Variants in NDST3 observed in about 807,000 individuals in gnomAD.
The protein encoded by NDST3 is bifunctional heparan sulfate N-deacetylase/N-sulfotransferase 3.
NDST3 carries 58 observed loss-of-function variants against 96.1 expected under a neutral mutation model. The ratio of observed to expected loss-of-function variants is 0.60; its 90% confidence interval spans 0.49 to 0.75. The LOEUF (loss-of-function observed/expected upper bound fraction) is 0.75, where lower values mean the gene tolerates loss of function less well. Among genes scored for constraint, NDST3 ranks in the 30% least tolerant of loss-of-function variants. The probability of loss-of-function intolerance (pLI) is 0.00; values close to 1 mark genes in which losing one functional copy is unlikely to be tolerated. For missense variants in NDST3, 788 were observed against 1,034.2 expected (o/e 0.76, Z 3.27); for synonymous variants, 333 against 359.7 (o/e 0.93, Z 0.84).
At chr4:118,156,793 G>A (rs757727680) in intron 6 of NDST3, among the ~76,000 whole-genome samples, 1 of 152,252 alleles carries the variant, frequency 6.6e-6, no homozygotes, top group South Asian at 2.1e-4. Flanking sequence ...TGATTGCTAA[G>A]ATATTCTGTT....
At chr4:118,154,992 C>T (rs1734630286) in intron 6 of NDST3, among the ~76,000 whole-genome samples, 2 of 152,170 alleles carry the variant, frequency 1.3e-5, no homozygotes, top group Non-Finnish European at 2.9e-5. Flanking sequence ...CTGTAATAAG[C>T]ACTTGCAGTT....
intron 13 of NDST3, among the ~76,000 whole-genome samples, chr4:118,255,064 T>C (rs1742029437): frequency 6.6e-6 from 1 of 152,228 alleles, no homozygotes. Context: ...TGCATTTATG[T>C]CAAAGCTATT....
chr4:118,248,736 C>T (rs1741474515), intron 12 of NDST3, among the ~76,000 whole-genome samples: 1 of 152,224 alleles, frequency 6.6e-6, no homozygotes, highest in Non-Finnish European at 1.5e-5. Flanking sequence ...TTCCACCAGA[C>T]TTCAGAGAAA....
intron 1 of NDST3, among the ~76,000 whole-genome samples, chr4:118,038,933 T>C (rs1031250153): frequency 6.6e-6 from 1 of 152,218 alleles, no homozygotes; most frequent in Non-Finnish European, 1.5e-5. Context: ...AGAGAAAAGA[T>C]AGGTTACATT....
chr4:118,127,995 T>C (rs963024471), intron 4 of NDST3, among the ~76,000 whole-genome samples: 2 of 152,012 alleles, frequency 1.3e-5, no homozygotes, highest in Admixed American at 6.6e-5. Flanking sequence ...TTGTTCACCA[T>C]TGGCATATAG....
At chr4:118,071,577 G>T (rs1727080811) in intron 2 of NDST3, among the ~76,000 whole-genome samples, 10 of 152,000 alleles carry the variant, frequency 6.6e-5, no homozygotes, top group Admixed American at 6.6e-4. Flanking sequence ...CCATTGGGGT[G>T]TTCTACAAAG....
rs1365868815 is a variant in NDST3 at position 118,256,280 on chromosome 4, T to TTATA, written c.*572_*575dup. 1 of 152,086 alleles carries TTATA rather than the reference T, an allele frequency of 6.6e-6. No individual in the cohort carries two copies. The allele number at this position is 152,086 out of a possible 1,614,324, so 9.4% of individuals were successfully genotyped here. The stretch of plus-strand genomic sequence containing the variant: ...TTTGTGCTAGATCAGAGTGGAAAAG[T>TTATA]TATATATGAGTGTTATCTGCACCAA... On this transcript the variant is annotated 3_prime_UTR_variant, in exon 14 of 14. Transcript: ENST00000296499.
chr4:118,255,563 A>G (rs1366746311), intron 13 of NDST3, 30 bp from the exon 14 acceptor site: 4 of 1,581,326 alleles, frequency 2.5e-6, no homozygotes, highest in Non-Finnish European at 3.4e-6. Context: ...ACAAAATAAA[A>G]TGTACTTTTC....
At chr4:118,203,770 C>T (rs959271148) in intron 6 of NDST3, among the ~76,000 whole-genome samples, 4 of 152,174 alleles carry the variant, frequency 2.6e-5, no homozygotes, top group Non-Finnish European at 5.9e-5. Context: ...TCAGAAGATA[C>T]ATTACTCAGT....
intron 6 of NDST3, among the ~76,000 whole-genome samples, chr4:118,189,732 T>C (rs964163354): frequency 2.6e-5 from 4 of 152,228 alleles, no homozygotes; most frequent in Admixed American, 2.0e-4. Flanking sequence ...TTCTATTTTT[T>C]ATAGTTTACT....
chr4:118,203,481 T>A (rs1439986914), intron 6 of NDST3, among the ~76,000 whole-genome samples: 1 of 152,188 alleles, frequency 6.6e-6, no homozygotes, highest in Admixed American at 6.5e-5. Context: ...CTGATTCAAT[T>A]TCAGAAGTCG....
At chr4:118,209,420 C>A (rs1301093240) in intron 6 of NDST3, among the ~76,000 whole-genome samples, 1 of 152,138 alleles carries the variant, frequency 6.6e-6, no homozygotes, top group Non-Finnish European at 1.5e-5. Context: ...GAGCAAGATA[C>A]ACAATTCAAA....
intron 12 of NDST3, among the ~76,000 whole-genome samples, chr4:118,247,171 G>A (rs889568658): frequency 1.3e-5 from 2 of 149,330 alleles, no homozygotes; most frequent in East Asian, 2.0e-4. Flanking sequence ...TTCAACTGGT[G>A]CATGGCTTTG....
At chr4:118,241,845 G>A (rs17049699) in intron 11 of NDST3, among the ~76,000 whole-genome samples, 195 bp from the exon 12 acceptor site, 5,944 of 152,234 alleles carry the variant, frequency 0.039, 176 homozygotes, top group African/African-American at 0.085. Flanking sequence ...CTGCAAACCT[G>A]AGTGTACTTA....
At position 118,238,223 on chromosome 4, in the gene NDST3, GAAAA is replaced by G. The variant is rs778713302; in HGVS notation, c.2118+1005_2118+1008del. ...AGAAAGAAAGAAAGAAAGAAAGAAAGAAAAAGAAAGAAGAAAAAAAGAAAGAAAA... is the reference window on the plus strand; with the variant it reads ...AGAAAGAAAGAAAGAAAGAAAGAAAGAGAAAGAAGAAAAAAAGAAAGAAAA... On this transcript the variant is annotated intron_variant, in intron 10 of 13. Coordinates refer to ENST00000296499, the MANE Select transcript of NDST3 (RefSeq NM_004784.3). Among the ~76,000 whole-genome samples the G allele has an allele frequency of 6.5e-3, 839 of 129,884 alleles. 7 individuals are homozygous for G. The highest frequency in any genetic ancestry group is 0.013 in the African/African-American group (413 of 31,552). 85.2% of individuals were successfully genotyped at this position (129,884 alleles called of 152,430 possible). A position where few individuals can be genotyped will look rare whatever the true frequency, so the allele number is the denominator to read the frequency against.
intron 2 of NDST3, among the ~76,000 whole-genome samples, chr4:118,060,814 C>A (rs116802727): frequency 1.2e-3 from 185 of 152,102 alleles, no homozygotes; most frequent in African/African-American, 4.2e-3. Context: ...GTACAAAGTT[C>A]TTTATCTCCA....
intron 2 of NDST3, among the ~76,000 whole-genome samples, chr4:118,100,038 G>A (rs527668436): frequency 1.3e-4 from 20 of 152,140 alleles, no homozygotes; most frequent in Middle Eastern, 3.4e-3. Context: ...ATGTGTGAAC[G>A]TAACTAAGCT....
chr4:118,054,419 A>C lies in NDST3; in HGVS notation c.509A>C (p.Lys170Thr). ...ATTGGATTCCACAAAACTAGTGAGAAGAGTGTACAGAGCTTTCAGTTAAAA... is the reference window on the plus strand; with the variant it reads ...ATTGGATTCCACAAAACTAGTGAGACGAGTGTACAGAGCTTTCAGTTAAAA... ...GVIGFHKTSE[K>T]SVQSFQLKGF... Residue 170 changes from lysine (K) to threonine (T), a missense_variant, in exon 2 of 14, where the codon AAG (lysine) becomes ACG (threonine). Physicochemically the swap from Lys to Thr is moderately conservative, Grantham distance 78. Coordinates refer to ENST00000296499, the MANE Select transcript of NDST3 (RefSeq NM_004784.3). The C allele has an allele frequency of 1.2e-6, 2 of 1,613,162 alleles. No homozygotes were observed. Among genetic ancestry groups the C allele is most frequent in the Non-Finnish European group, 1.7e-6 (2 of 1,179,444 alleles).
At chr4:118,139,512 A>T (rs2125901010) in intron 5 of NDST3, among the ~76,000 whole-genome samples, 1 of 152,288 alleles carries the variant, frequency 6.6e-6, no homozygotes, top group African/African-American at 2.4e-5. Context: ...AGCGAGAGAA[A>T]ATAAGACTAG....
Sources: allele counts gnomAD v4.1 joint callset (sites outside exome capture counted in the v4.1 genomes callset), GRCh38; gene constraint gnomAD v4.1.1; transcripts MANE v1.5; gene names NCBI Gene and HGNC (gene_info 2026-07-23, HGNC 2026-07-21).